The following CLYBL variants were observed in gnomAD, a reference collection of about 807,000 sequenced individuals.
CLYBL encodes the protein citramalyl-CoA lyase, also known as citramalyl-CoA lyase, mitochondrial.
Under a neutral mutation model 38.9 loss-of-function variants are expected in CLYBL, and 31 were observed. That is an observed-to-expected ratio of 0.80 (90% CI 0.60 to 1.08). The LOEUF is 1.08. Among genes scored for constraint, CLYBL ranks in the 50% least tolerant of loss-of-function variants. CLYBL has a pLI of 0.00. For missense variants in CLYBL, 434 were observed against 411.6 expected (o/e 1.05, Z -0.47); for synonymous variants, 171 against 158.6 (o/e 1.08, Z -0.59).
intron 1 of CLYBL, among the ~76,000 whole-genome samples, chr13:99,745,441 GC>G (rs1873812098): frequency 6.6e-6 from 1 of 152,120 alleles, no homozygotes; most frequent in South Asian, 2.1e-4. Context: ...CTGGGGCATT[GC>G]TGTGTGGTAC....
At chr13:99,732,909 A>C (rs2048614578) in intron 1 of CLYBL, among the ~76,000 whole-genome samples, 2 of 152,206 alleles carry the variant, frequency 1.3e-5, no homozygotes, top group African/African-American at 4.8e-5. Context: ...GTAAATAGTA[A>C]ATAGGTAATT....
chr13:99,901,613 ATTTC>A (rs1222030433), downstream of CLYBL, among the ~76,000 whole-genome samples: 1 of 141,086 alleles, frequency 7.1e-6, no homozygotes, highest in Non-Finnish European at 1.6e-5. Flanking sequence ...CAAAGTTGCT[ATTTC>A]TTTGTTTTTG....
chr13:99,829,160 G>A lies in CLYBL; in HGVS notation c.250-29701G>A, dbSNP rs116260954. Reference sequence around the variant, plus strand: ...AGGGAATGTGTTGAACCTGTCACAGGACAGAGATTTGAAATTTTTCACCCA... The same window carrying A: ...AGGGAATGTGTTGAACCTGTCACAGAACAGAGATTTGAAATTTTTCACCCA... On this transcript the variant is annotated intron_variant, in intron 2 of 8. Coordinates refer to ENST00000339105, the MANE Select transcript of CLYBL (RefSeq NM_206808.5). Among the ~76,000 whole-genome samples, 1,138 of 152,296 alleles carry A rather than the reference G, an allele frequency of 7.5e-3. 16 individuals are homozygous for A. The highest frequency in any genetic ancestry group is 0.026 in the African/African-American group (1,074 of 41,568).
chr13:99,900,040 C>T (rs2052623953), downstream of CLYBL, among the ~76,000 whole-genome samples: 1 of 152,132 alleles, frequency 6.6e-6, no homozygotes, highest in South Asian at 2.1e-4. Flanking sequence ...AATTCTCCTG[C>T]CTCAGCCTCC....
At chr13:99,741,527 C>T (rs150626344) in intron 1 of CLYBL, among the ~76,000 whole-genome samples, 2 of 152,144 alleles carry the variant, frequency 1.3e-5, no homozygotes, top group Non-Finnish European at 2.9e-5. Flanking sequence ...CAACACAAAA[C>T]CATTTGAGCA....
chr13:99,868,342 T>G, intron 6 of CLYBL, among the ~76,000 whole-genome samples: 1 of 152,206 alleles, frequency 6.6e-6, no homozygotes, highest in East Asian at 1.9e-4. Context: ...CTCAGGATGT[T>G]TGTCCTAGTT....
At chr13:99,859,472 C>T (rs2051545844) in intron 3 of CLYBL, among the ~76,000 whole-genome samples, 1 of 152,124 alleles carries the variant, frequency 6.6e-6, no homozygotes, top group African/African-American at 2.4e-5. Context: ...GCAGGGAGGG[C>T]ACATTTGCCG....
intron 2 of CLYBL, among the ~76,000 whole-genome samples, chr13:99,842,144 G>T (rs1251415525): frequency 6.6e-6 from 1 of 152,142 alleles, no homozygotes; most frequent in African/African-American, 2.4e-5. Context: ...TTTATGCTTA[G>T]ATTTGATGCA....
chr13:99,665,751 A>C (rs1027679240), intron 1 of CLYBL, among the ~76,000 whole-genome samples: 4 of 152,198 alleles, frequency 2.6e-5, no homozygotes, highest in African/African-American at 9.7e-5. Flanking sequence ...AGGAGGTATT[A>C]TATGTCCATG....
At chr13:99,719,966 C>T (rs572221316) in intron 1 of CLYBL, among the ~76,000 whole-genome samples, 3 of 151,796 alleles carry the variant, frequency 2.0e-5, no homozygotes, top group East Asian at 3.9e-4. Flanking sequence ...TTAATCTGTT[C>T]ACATTTGTTG....
At chr13:99,748,385 CA>C (rs1354792673) in intron 1 of CLYBL, among the ~76,000 whole-genome samples, 2 of 139,588 alleles carry the variant, frequency 1.4e-5, no homozygotes, top group Non-Finnish European at 3.1e-5. Context: ...GTCTCAAAAA[CA>C]AAAACTCCAA....
intron 1 of CLYBL, among the ~76,000 whole-genome samples, chr13:99,721,282 G>A (rs1316959440): frequency 6.6e-6 from 1 of 151,476 alleles, no homozygotes; most frequent in Non-Finnish European, 1.5e-5. Context: ...GACCGCAAGT[G>A]ATCCACCCGC....
At chr13:99,879,153 T>C (rs537392514) in intron 7 of CLYBL, among the ~76,000 whole-genome samples, 6 of 152,238 alleles carry the variant, frequency 3.9e-5, no homozygotes, top group South Asian at 4.2e-4. Flanking sequence ...TCCTTCCCCA[T>C]TGCACCCCCG....
intron 1 of CLYBL, among the ~76,000 whole-genome samples, chr13:99,763,433 C>T (rs1233750784): frequency 6.6e-6 from 1 of 151,348 alleles, no homozygotes; most frequent in African/African-American, 2.4e-5. Context: ...ATCATATAGT[C>T]TTTGTTCTTG....
chr13:99,889,993 A>G (rs2052446746), intron 7 of CLYBL, among the ~76,000 whole-genome samples: 1 of 152,220 alleles, frequency 6.6e-6, no homozygotes, highest in Admixed American at 6.5e-5. Flanking sequence ...CCTTGCCAAC[A>G]GGTCGAAGCA....
At chr13:99,767,335 G>T (rs9554633) in intron 1 of CLYBL, among the ~76,000 whole-genome samples, 25,298 of 151,856 alleles carry the variant, frequency 0.17, 2,636 homozygotes, top group East Asian at 0.37. Flanking sequence ...TTGGGGAGGG[G>T]TGGGTACTAA....
chr13:99,607,934 G>C (rs1314100172), intron 1 of CLYBL, among the ~76,000 whole-genome samples: 2 of 152,028 alleles, frequency 1.3e-5, no homozygotes, highest in Non-Finnish European at 2.9e-5. Flanking sequence ...AGTAGAGACA[G>C]AGTTTCGCCA....
intron 1 of CLYBL, among the ~76,000 whole-genome samples, chr13:99,616,269 T>G (rs1000771021): frequency 9.2e-5 from 14 of 152,038 alleles, no homozygotes; most frequent in African/African-American, 3.4e-4. Context: ...CAGTAGCGCT[T>G]CTTCCTCAGT....
chr13:99,688,318 G>A (rs1310658826), intron 1 of CLYBL, among the ~76,000 whole-genome samples: 1 of 152,004 alleles, frequency 6.6e-6, no homozygotes, highest in African/African-American at 2.4e-5. Context: ...CTAAAACAGT[G>A]GGGGAGCGAT....
Sources: gnomAD v4.1 joint callset for allele counts (sites outside exome capture counted in the v4.1 genomes callset) on GRCh38, gnomAD v4.1.1 for gene constraint, MANE v1.5 for transcripts, NCBI Gene and HGNC (gene_info 2026-07-23, HGNC 2026-07-21) for gene names.